The following TAFA5 variants were observed in gnomAD, a reference collection of about 807,000 sequenced individuals.
TAFA5 encodes the protein TAFA chemokine like family member 5, also known as chemokine-like protein TAFA-5.
In TAFA5, 6 loss-of-function variants were observed where a neutral mutation model predicts 15.3. The ratio of observed to expected loss-of-function variants is 0.39; its 90% confidence interval spans 0.21 to 0.77. The LOEUF (loss-of-function observed/expected upper bound fraction) is 0.77, where lower values mean the gene tolerates loss of function less well. TAFA5 is among the 30% of genes least tolerant of loss of function. The pLI, the probability that TAFA5 is intolerant of heterozygous loss-of-function variation, is 0.41. For synonymous variants in TAFA5, 103 were observed against 80.7 expected (o/e 1.28, Z -1.48); for missense variants, 161 against 193.1 (o/e 0.83, Z 0.98).
At chr22:48,688,932 C>G (rs1928448593) in intron 2 of TAFA5, among the ~76,000 whole-genome samples, 1 of 144,220 alleles carries the variant, frequency 6.9e-6, no homozygotes, top group Admixed American at 7.3e-5. Flanking sequence ...GTGGAGGTTG[C>G]AGTGAGCCAA....
intron 2 of TAFA5, among the ~76,000 whole-genome samples, chr22:48,666,601 G>C (rs1011522083): frequency 1.2e-4 from 6 of 51,720 alleles, no homozygotes; most frequent in Non-Finnish European, 2.4e-4. Context: ...TGACCAGCCA[G>C]CATCCACAGT....
rs1425744459 is a variant in TAFA5, at chr22:48,742,009, T to C, written c.391-7830T>C. 3.3e-5 allele frequency among the ~76,000 whole-genome samples: 5 copies of C among 152,186 alleles called. No homozygotes were observed. The highest frequency in any genetic ancestry group is 7.4e-5 in the Non-Finnish European group (5 of 68,014). Reference sequence around the variant, plus strand: ...CAGTTTTTTGTTAAGAACCCCATGGTTGGGGGTAAACACTGTTCCTATCCC... The same window carrying C: ...CAGTTTTTTGTTAAGAACCCCATGGCTGGGGGTAAACACTGTTCCTATCCC... On this transcript the variant is annotated intron_variant, in intron 3 of 3. Coordinates refer to ENST00000402357, the MANE Select transcript of TAFA5 (RefSeq NM_001082967.3). The surrounding 1 kb of genome is among the most constrained non-coding windows in gnomAD (Gnocchi z 6.2).
chr22:48,542,054 G>A (rs920030230), intron 1 of TAFA5, among the ~76,000 whole-genome samples: 16 of 149,166 alleles, frequency 1.1e-4, no homozygotes, highest in African/African-American at 3.6e-4. Flanking sequence ...GCCGGGGCGT[G>A]TGTGTGTGGT....
chr22:48,607,483 T>C (rs1413507327), intron 1 of TAFA5, among the ~76,000 whole-genome samples: 1 of 139,350 alleles, frequency 7.2e-6, no homozygotes, highest in Non-Finnish European at 1.6e-5. Flanking sequence ...CTGTCCCGGG[T>C]TCTGATTAGG....
chr22:48,529,270 AGGGTGTCAGACAGGAGATGG>A (rs1921885325), intron 1 of TAFA5, among the ~76,000 whole-genome samples: 1 of 23,042 alleles, frequency 4.3e-5, no homozygotes, highest in Non-Finnish European at 8.3e-5. Flanking sequence ...GCAGGAGATG[AGGGTGTCAGACAGGAGATGG>A]GGGTGTCCAG....
intron 1 of TAFA5, among the ~76,000 whole-genome samples, chr22:48,590,415 C>T (rs1017885142): frequency 1.3e-5 from 2 of 152,218 alleles, no homozygotes; most frequent in Non-Finnish European, 2.9e-5. Flanking sequence ...CTATTTATGG[C>T]AAAGGCGCTG....
intron 1 of TAFA5, among the ~76,000 whole-genome samples, chr22:48,519,034 C>G (rs977500910): frequency 1.3e-5 from 2 of 152,202 alleles, no homozygotes; most frequent in African/African-American, 4.8e-5. Context: ...CTGGGGTCTC[C>G]ACCCACCGGC....
chr22:48,706,771 A>T (rs1192932310), intron 2 of TAFA5, among the ~76,000 whole-genome samples: 1 of 152,190 alleles, frequency 6.6e-6, no homozygotes, highest in Non-Finnish European at 1.5e-5. Context: ...ATTAGGAAGG[A>T]CATATTTTTT....
At chr22:48,700,932 G>A (rs1928886142) in intron 2 of TAFA5, among the ~76,000 whole-genome samples, 1 of 152,162 alleles carries the variant, frequency 6.6e-6, no homozygotes, top group African/African-American at 2.4e-5. Context: ...CATCTGCCCA[G>A]CCCTACTTCA....
Position 48,741,163 on chromosome 22 carries a change from C to A in TAFA5, c.391-8676C>A, listed in dbSNP as rs548436451. Among the ~76,000 whole-genome samples, 5 of 152,278 alleles carry A rather than the reference C, an allele frequency of 3.3e-5. No individual in the cohort carries two copies. In the South Asian group the frequency reaches 1.0e-3, roughly 32 times the overall value. On this transcript the variant is annotated intron_variant, in intron 3 of 3. Coordinates refer to ENST00000402357, the MANE Select transcript of TAFA5 (RefSeq NM_001082967.3). ...ATGAGGCTCTGGGAAGTGAGGAGTC[C>A]GTGATTCCACCCCAGCCCCTTGGTG...
At position 48,742,715 on chromosome 22, in the gene TAFA5, G is replaced by T. The variant is rs1665350218; in HGVS notation, c.391-7124G>T. 6.6e-6 allele frequency among the ~76,000 whole-genome samples: 1 copy of T among 152,202 alleles called. No homozygotes were observed. Among genetic ancestry groups the T allele is most frequent in the African/African-American group, 2.4e-5 (1 of 41,460 alleles). Reference sequence around the variant, plus strand: ...ACCAGGCGACGTGGTGGGCCGGGTGGTGTGGTGAAGCCGGCAGCACAGTGG... The same window carrying T: ...ACCAGGCGACGTGGTGGGCCGGGTGTTGTGGTGAAGCCGGCAGCACAGTGG... On this transcript the variant is annotated intron_variant, in intron 3 of 3. Transcript: ENST00000402357. The surrounding 1 kb of genome is among the most constrained non-coding windows in gnomAD (Gnocchi z 6.2).
intron 1 of TAFA5, among the ~76,000 whole-genome samples, chr22:48,578,543 G>A (rs756912580): frequency 2.6e-5 from 4 of 152,218 alleles, no homozygotes; most frequent in East Asian, 1.9e-4. Context: ...GCAGACACAC[G>A]TGTGTCGGTG....
chr22:48,750,113 G>A lies in TAFA5; in HGVS notation c.*266G>A, dbSNP rs1276219905. The A allele has an allele frequency of 2.8e-5, 15 of 531,950 alleles. No homozygotes were observed. Among genetic ancestry groups the A allele is most frequent in the Non-Finnish European group, 4.4e-5 (13 of 298,620 alleles). 33.0% of individuals were successfully genotyped at this position (531,950 alleles called of 1,614,324 possible). A position where few individuals can be genotyped will look rare whatever the true frequency, so the allele number is the denominator to read the frequency against. On this transcript the variant is annotated 3_prime_UTR_variant, in exon 4 of 4. Transcript: ENST00000402357. ...ACGCAGTCTGTGGGAGCCCGGCCGC[G>A]CCCAGCCCCCGCCGACCGTGGCGTT... is the stretch of plus-strand genomic sequence containing the variant.
At chr22:48,630,628 G>T (rs1926187133) in intron 1 of TAFA5, among the ~76,000 whole-genome samples, 1 of 152,190 alleles carries the variant, frequency 6.6e-6, no homozygotes, top group South Asian at 2.1e-4. Context: ...ATGGAAGTCT[G>T]TGCAGTGAGT....
chr22:48,542,578 G>GTA (rs1258573244), intron 1 of TAFA5, among the ~76,000 whole-genome samples: 30 of 117,992 alleles, frequency 2.5e-4, no homozygotes, highest in African/African-American at 9.4e-4. Context: ...TGTGTGGTGT[G>GTA]TGTGCGGGTG....
At chr22:48,703,651 CCTT>C (rs1569086658) in intron 2 of TAFA5, among the ~76,000 whole-genome samples, 1 of 152,362 alleles carries the variant, frequency 6.6e-6, no homozygotes, top group South Asian at 2.1e-4. Flanking sequence ...CCCTCAGCGT[CCTT>C]CTCCCGGGAT....
At chr22:48,622,333 G>A (rs983275977) in intron 1 of TAFA5, among the ~76,000 whole-genome samples, 2 of 152,204 alleles carry the variant, frequency 1.3e-5, no homozygotes, top group African/African-American at 4.8e-5. Flanking sequence ...GCACCTCGGA[G>A]GGCCTGGCCG....
intron 2 of TAFA5, among the ~76,000 whole-genome samples, chr22:48,669,374 C>A (rs77766741): frequency 0.027 from 4,168 of 152,314 alleles, 191 homozygotes; most frequent in African/African-American, 0.094. Flanking sequence ...AGCCCTTGGC[C>A]CCGGGGTAGC....
intron 1 of TAFA5, among the ~76,000 whole-genome samples, chr22:48,545,967 C>T (rs1922651010): frequency 6.6e-6 from 1 of 152,042 alleles, no homozygotes; most frequent in Non-Finnish European, 1.5e-5. Context: ...CTGTGAGCCT[C>T]AAGCAGGTCC....
Sources: allele counts gnomAD v4.1 joint callset (sites outside exome capture counted in the v4.1 genomes callset), GRCh38; gene constraint gnomAD v4.1.1; non-coding constraint Gnocchi (gnomAD v3.1); transcripts MANE v1.5; gene names NCBI Gene and HGNC (gene_info 2026-07-23, HGNC 2026-07-21).